Variants in RCBTB2 observed in about 807,000 individuals in gnomAD.
RCBTB2 encodes the protein RCC1 and BTB domain-containing protein 2.
A neutral mutation model predicts 65.4 loss-of-function variants in RCBTB2; 55 were observed. That is an observed-to-expected ratio of 0.84 (90% CI 0.68 to 1.05). The LOEUF is 1.05. RCBTB2 is among the 50% of genes least tolerant of loss of function. The probability of loss-of-function intolerance (pLI) is 0.00; values close to 1 mark genes in which losing one functional copy is unlikely to be tolerated. For synonymous variants in RCBTB2, 220 were observed against 255.2 expected (o/e 0.86, Z 1.31); for missense variants, 599 against 680.1 (o/e 0.88, Z 1.33).
intron 2 of RCBTB2, among the ~76,000 whole-genome samples, chr13:48,523,592 C>A (rs936746449): frequency 6.6e-6 from 1 of 152,084 alleles, no homozygotes; most frequent in Non-Finnish European, 1.5e-5. Context: ...TCAGGAAACA[C>A]TTTTTCCATA....
upstream of RCBTB2, chr13:48,535,643 C>G (rs889994301): frequency 4.4e-6 from 2 of 456,488 alleles, no homozygotes; most frequent in African/African-American, 2.0e-5. Flanking sequence ...CCAATGACCT[C>G]AGAATTGCTA....
intron 14 of RCBTB2, among the ~76,000 whole-genome samples, chr13:48,493,266 TC>T (rs1949786922): frequency 1.9e-5 from 2 of 107,418 alleles, no homozygotes; most frequent in East Asian, 2.5e-4. Flanking sequence ...CACACTCTTC[TC>T]TCTCTCACCC....
chr13:48,511,811 G>T lies in RCBTB2; in HGVS notation c.742C>A (p.Pro248Thr). 5 of 1,614,174 alleles carry T rather than the reference G, an allele frequency of 3.1e-6. No individual in the cohort carries two copies. Among genetic ancestry groups the T allele is most frequent in the Non-Finnish European group, 4.2e-6 (5 of 1,180,038 alleles). ...GLGNSGNQPT[P>T]CRVAALQGIR... ...CCTTGCAAAGCTGCCACTCTGCAAG[G>T]GGTTGGCTGGTTGCCACTGTTGCCG... The change falls in exon 9 of 15, where the codon CCT becomes ACT. Residue 248 changes from proline (P) to threonine (T), a missense_variant. Physicochemically the swap from Pro to Thr is conservative, Grantham distance 38. Transcript: ENST00000344532.
intron 1 of RCBTB2, among the ~76,000 whole-genome samples, chr13:48,529,019 C>T (rs530571401): frequency 2.4e-3 from 372 of 152,188 alleles, no homozygotes; most frequent in African/African-American, 8.4e-3. Context: ...AGTGATGAGT[C>T]AGATCTTCAG....
At chr13:48,531,120 T>C (rs1380395162) in intron 1 of RCBTB2, among the ~76,000 whole-genome samples, 1 of 152,252 alleles carries the variant, frequency 6.6e-6, no homozygotes, top group Non-Finnish European at 1.5e-5. Context: ...TATACAAATA[T>C]GTTTTTTATC....
rs3215827 is a variant in RCBTB2, at chr13:48,515,484, CTT to C, written c.198+100_198+101del. On this transcript the variant is annotated intron_variant, in intron 5 of 14. Coordinates refer to ENST00000344532, the MANE Select transcript of RCBTB2 (RefSeq NM_001268.4). Reference sequence around the variant, plus strand: ...TAATAAATAAAACCTAATTTCCATGCTTTTTTTTTTAACCTTTTATTCCTTAG... The same window carrying C: ...TAATAAATAAAACCTAATTTCCATGCTTTTTTTTAACCTTTTATTCCTTAG... The C allele has an allele frequency of 1.6e-4, 196 of 1,263,376 alleles. 1 individual carries two copies. The highest frequency in any genetic ancestry group is 1.1e-3 in the South Asian group (72 of 63,558). The allele number at this position is 1,263,376 out of a possible 1,614,324, so 78.3% of individuals were successfully genotyped here. A position where few individuals can be genotyped will look rare whatever the true frequency, so the allele number is the denominator to read the frequency against.
chr13:48,511,716 T>C (rs1950803534), intron 9 of RCBTB2, 54 bp downstream of exon 9: 1 of 1,457,226 alleles, frequency 6.9e-7, no homozygotes, highest in Non-Finnish European at 9.5e-7. Flanking sequence ...TACATTGATA[T>C]CTTTGCCAGC....
At chr13:48,533,194 G>A (rs1287013517), upstream of RCBTB2, 1 of 350,416 alleles carries the variant, frequency 2.9e-6, no homozygotes, top group Non-Finnish European at 5.7e-6. Context: ...GCGCAGACAA[G>A]AGGAGGGGGC....
At chr13:48,535,641 C>T (rs370991585), upstream of RCBTB2, 232 of 456,524 alleles carry the variant, frequency 5.1e-4, no homozygotes, top group African/African-American at 4.0e-3. Context: ...CACCAATGAC[C>T]TCAGAATTGC....
chr13:48,535,092 C>T (rs1016172363), upstream of RCBTB2, among the ~76,000 whole-genome samples: 3 of 152,146 alleles, frequency 2.0e-5, no homozygotes, highest in African/African-American at 7.2e-5. Context: ...TTGGATCATT[C>T]CCATAAGCAT....
intron 4 of RCBTB2, among the ~76,000 whole-genome samples, chr13:48,517,654 T>C (rs987657908): frequency 3.3e-5 from 5 of 152,214 alleles, no homozygotes; most frequent in African/African-American, 9.6e-5. Flanking sequence ...TTTTTTCTTG[T>C]AAATAAAGCT....
At position 48,489,785 on chromosome 13, in the gene RCBTB2, T is replaced by C. The variant is rs7981750; in HGVS notation, c.*326A>G. The C allele has an allele frequency of 0.039, 12,380 of 317,646 alleles. 1,433 individuals are homozygous for C. Among genetic ancestry groups the C allele is most frequent in the African/African-American group, 0.24 (11,114 of 45,458 alleles). The allele number at this position is 317,646 out of a possible 1,614,324, so 19.7% of individuals were successfully genotyped here. ...TATGTGGTATCAGCCAGCTGAATAA[T>C]GGAACATTTGGGCCAGAATAGCATA... On this transcript the variant is annotated 3_prime_UTR_variant, in exon 15 of 15. Coordinates refer to ENST00000344532, the MANE Select transcript of RCBTB2 (RefSeq NM_001268.4).
intron 11 of RCBTB2, 65 bp downstream of exon 11, chr13:48,502,659 A>G: frequency 1.4e-6 from 2 of 1,458,904 alleles, no homozygotes; most frequent in African/African-American, 1.4e-5. Context: ...TCATTATCAA[A>G]GTAAAGCCCT....
intron 4 of RCBTB2, among the ~76,000 whole-genome samples, chr13:48,517,614 C>T (rs1951164083): frequency 1.3e-5 from 2 of 152,194 alleles, no homozygotes; most frequent in South Asian, 4.1e-4. Flanking sequence ...GGCCACTGGA[C>T]CTAAAGCAAA....
intron 6 of RCBTB2, among the ~76,000 whole-genome samples, chr13:48,513,277 CTT>C (rs1248356923): frequency 7.9e-5 from 12 of 152,036 alleles, no homozygotes; most frequent in African/African-American, 2.9e-4. Context: ...TTTTAAAAAT[CTT>C]TGTTATTATT....
In RCBTB2 at chr13:48,505,660, C is replaced by T. The variant is rs565029685; in HGVS notation, c.927-2746G>A. The stretch of plus-strand genomic sequence containing the variant: ...TGAGGATAGCGACATGGTCTGTCTT[C>T]GTGGCCTGGTGCTGTGGGCAGGACA... On this transcript the variant is annotated intron_variant, in intron 10 of 14. Coordinates refer to ENST00000344532, the MANE Select transcript of RCBTB2 (RefSeq NM_001268.4). Among the ~76,000 whole-genome samples, 5 of 152,282 alleles carry T rather than the reference C, an allele frequency of 3.3e-5. No individual in the cohort carries two copies. In the South Asian group the frequency reaches 8.3e-4, roughly 25 times the overall value.
At chr13:48,497,099 T>C (rs1385716011) in intron 13 of RCBTB2, among the ~76,000 whole-genome samples, 1 of 152,204 alleles carries the variant, frequency 6.6e-6, no homozygotes, top group Non-Finnish European at 1.5e-5. Flanking sequence ...TGGTTTCCTC[T>C]TACTCGACAT....
intron 8 of RCBTB2, 60 bp downstream of exon 8, chr13:48,511,956 T>C: frequency 6.2e-7 from 1 of 1,608,190 alleles, no homozygotes. Flanking sequence ...CATACCATAC[T>C]GGCATGAGAC....
chr13:48,496,820 G>A (rs1405456155), intron 13 of RCBTB2, among the ~76,000 whole-genome samples: 4 of 127,542 alleles, frequency 3.1e-5, no homozygotes, highest in Non-Finnish European at 5.0e-5. Context: ...GGAGGGGAGA[G>A]GAGGGGAGGG....
Sources: allele counts gnomAD v4.1 joint callset (sites outside exome capture counted in the v4.1 genomes callset), GRCh38; gene constraint gnomAD v4.1.1; transcripts MANE v1.5; gene names NCBI Gene and HGNC (gene_info 2026-07-23, HGNC 2026-07-21).